Variants in CAMTA1 observed in about 807,000 individuals in gnomAD.
CAMTA1 encodes the protein calmodulin binding transcription activator 1.
Under a neutral mutation model 170.9 loss-of-function variants are expected in CAMTA1, and 27 were observed. The ratio of observed to expected loss-of-function variants is 0.16; its 90% confidence interval spans 0.12 to 0.22. The LOEUF is 0.22. CAMTA1 is among the 10% of genes least tolerant of loss of function. The probability of loss-of-function intolerance (pLI) is 1.00; values close to 1 mark genes in which losing one functional copy is unlikely to be tolerated. For missense variants in CAMTA1, 1,619 were observed against 2,217.2 expected (o/e 0.73, Z 5.42); for synonymous variants, 833 against 891.5 (o/e 0.93, Z 1.17).
At chr1:7,401,720 A>G (rs1300792588) in intron 5 of CAMTA1, among the ~76,000 whole-genome samples, 2 of 152,172 alleles carry the variant, frequency 1.3e-5, no homozygotes, top group African/African-American at 4.8e-5. Context: ...TTGATTCATT[A>G]TTAACTTTTT....
intron 3 of CAMTA1, among the ~76,000 whole-genome samples, chr1:6,854,220 AGT>A (rs1491174172): frequency 6.6e-6 from 1 of 152,212 alleles, no homozygotes; most frequent in African/African-American, 2.4e-5. Flanking sequence ...ATAGTGTCAT[AGT>A]GTAACACATT....
chr1:7,741,853 G>T (rs2096820341), intron 16 of CAMTA1, among the ~76,000 whole-genome samples: 1 of 151,700 alleles, frequency 6.6e-6, no homozygotes, highest in African/African-American at 2.4e-5. Context: ...TAGCCAGGAT[G>T]GTCTCGATCT....
At chr1:7,309,436 A>G (rs2149599609) in intron 5 of CAMTA1, among the ~76,000 whole-genome samples, 1 of 150,726 alleles carries the variant, frequency 6.6e-6, no homozygotes, top group South Asian at 2.1e-4. Context: ...AGTAGCTGGG[A>G]CTACAGGCGC....
intron 6 of CAMTA1, among the ~76,000 whole-genome samples, chr1:7,505,282 C>T (rs552260446): frequency 3.4e-4 from 52 of 152,362 alleles, no homozygotes; most frequent in African/African-American, 9.4e-4. Flanking sequence ...ACCACATCCC[C>T]GGCAGCCAAG....
chr1:6,881,401 A>T (rs1671533460), intron 3 of CAMTA1, among the ~76,000 whole-genome samples: 1 of 152,196 alleles, frequency 6.6e-6, no homozygotes, highest in Non-Finnish European at 1.5e-5. Flanking sequence ...GTGACCACGT[A>T]GGTGTCTAGA....
chr1:7,253,545 A>G lies in CAMTA1; in HGVS notation c.438+3919A>G, dbSNP rs142895159. Among the ~76,000 whole-genome samples the G allele has an allele frequency of 5.0e-3, 762 of 152,314 alleles. 14 individuals are homozygous for G. The highest frequency in any genetic ancestry group is 0.039 in the Admixed American group (591 of 15,298). ...GATGGGAGCCACACAATTACTACTG[A>G]GACAGTCATGGGCTTACACATTTCC... On this transcript the variant is annotated intron_variant, in intron 5 of 22. Coordinates refer to ENST00000303635, the MANE Select transcript of CAMTA1 (RefSeq NM_015215.4).
At position 7,249,103 on chromosome 1, in the gene CAMTA1, A is replaced by G. The variant is rs1234139656; in HGVS notation, c.303-388A>G. 1.3e-5 allele frequency among the ~76,000 whole-genome samples: 2 copies of G among 152,196 alleles called. No individual in the cohort carries two copies. Among genetic ancestry groups the G allele is most frequent in the Non-Finnish European group, 2.9e-5 (2 of 68,044 alleles). On this transcript the variant is annotated intron_variant, in intron 4 of 22. Transcript: ENST00000303635. The surrounding 1 kb of genome is among the most constrained non-coding windows in gnomAD (Gnocchi z 4.4). ...GGGTGATGGATTAAAAGATGTGTAG[A>G]AAATCCTTCCACAAGAGATAAGATA...
chr1:7,155,199 A>G (rs1349507311), intron 4 of CAMTA1, among the ~76,000 whole-genome samples: 1 of 152,158 alleles, frequency 6.6e-6, no homozygotes, highest in African/African-American at 2.4e-5. Context: ...AGGCAGCATC[A>G]CTGTGGACAG....
At chr1:6,817,088 A>G (rs60144526) in intron 1 of CAMTA1, among the ~76,000 whole-genome samples, 206 of 152,290 alleles carry the variant, frequency 1.4e-3, no homozygotes, top group African/African-American at 4.4e-3. Flanking sequence ...TTTAGTGCCA[A>G]GTTCTTCCTG....
chr1:7,529,351 C>T (rs576748299), intron 6 of CAMTA1, among the ~76,000 whole-genome samples: 2 of 152,180 alleles, frequency 1.3e-5, no homozygotes, highest in East Asian at 3.9e-4. Context: ...CTGGGGCTCT[C>T]TGTCCTCTCG....
Position 7,683,036 on chromosome 1 carries a change from G to A in CAMTA1, c.2914+5303G>A, listed in dbSNP as rs143429042. Among the ~76,000 whole-genome samples, 1,123 of 152,240 alleles carry A rather than the reference G, an allele frequency of 7.4e-3. 15 individuals are homozygous for A. The highest frequency in any genetic ancestry group is 0.025 in the African/African-American group (1,056 of 41,538). ...AATACAAAAACAAAATTAGCCGGGC[G>A]TGGTGGTGAGCGCCTGTTGTCCCAG... On this transcript the variant is annotated intron_variant, in intron 11 of 22. Coordinates refer to ENST00000303635, the MANE Select transcript of CAMTA1 (RefSeq NM_015215.4).
chr1:7,676,543 G>A (rs972256087), intron 10 of CAMTA1, among the ~76,000 whole-genome samples: 58 of 152,238 alleles, frequency 3.8e-4, no homozygotes, highest in African/African-American at 1.4e-3. Context: ...CCTAGGGAGC[G>A]GCTGGCTTGG....
chr1:6,941,246 G>C (rs1352910196), intron 3 of CAMTA1, among the ~76,000 whole-genome samples: 1 of 152,114 alleles, frequency 6.6e-6, no homozygotes, highest in Non-Finnish European at 1.5e-5. Flanking sequence ...TCAGTTGTCT[G>C]CGGGGCACTG....
At chr1:7,657,574 C>T (rs2095915364) in intron 7 of CAMTA1, among the ~76,000 whole-genome samples, 1 of 152,246 alleles carries the variant, frequency 6.6e-6, no homozygotes, top group South Asian at 2.1e-4. Context: ...GGGAAGGGGC[C>T]GAGGGGGCGG....
At chr1:7,536,644 C>T (rs2094552490) in intron 6 of CAMTA1, among the ~76,000 whole-genome samples, 1 of 152,164 alleles carries the variant, frequency 6.6e-6, no homozygotes, top group African/African-American at 2.4e-5. Flanking sequence ...GACACCGGCC[C>T]CTGGGTCCAG....
intron 5 of CAMTA1, among the ~76,000 whole-genome samples, chr1:7,343,031 C>G (rs531402820): frequency 1.3e-5 from 2 of 152,318 alleles, no homozygotes; most frequent in Non-Finnish European, 2.9e-5. Flanking sequence ...TTTCTCTGAC[C>G]CTACGCATGG....
chr1:6,988,037 A>G (rs1442718250), intron 3 of CAMTA1, among the ~76,000 whole-genome samples: 1 of 152,150 alleles, frequency 6.6e-6, no homozygotes, highest in East Asian at 1.9e-4. Context: ...TGGGAACATT[A>G]TCCCTTAAAT....
At chr1:7,675,995 AG>A (rs2096115822) in intron 10 of CAMTA1, among the ~76,000 whole-genome samples, 1 of 152,224 alleles carries the variant, frequency 6.6e-6, no homozygotes, top group East Asian at 1.9e-4. Context: ...GCAGTTGAAG[AG>A]GCCATCCCCC....
intron 3 of CAMTA1, among the ~76,000 whole-genome samples, chr1:7,082,422 AGCAAGACT>A (rs1239387967): frequency 6.7e-6 from 1 of 149,932 alleles, no homozygotes; most frequent in Non-Finnish European, 1.5e-5. Context: ...CAGGTGACGG[AGCAAGACT>A]GCATCTCGAA....
Sources: allele counts gnomAD v4.1 joint callset (sites outside exome capture counted in the v4.1 genomes callset), GRCh38; gene constraint gnomAD v4.1.1; non-coding constraint Gnocchi (gnomAD v3.1); transcripts MANE v1.5; gene names NCBI Gene and HGNC (gene_info 2026-07-23, HGNC 2026-07-21).